SLC2A1: variants seen among roughly 807,000 people sequenced by gnomAD.
SLC2A1 encodes solute carrier family 2 member 1.
Under a neutral mutation model 46.6 loss-of-function variants are expected in SLC2A1, and 4 were observed. The ratio of observed to expected loss-of-function variants is 0.09; its 90% CI spans 0.04 to 0.20. The LOEUF is 0.20. Among genes scored for constraint, SLC2A1 ranks in the 10% least tolerant of loss-of-function variants. The pLI is 1.00. For missense variants in SLC2A1, 352 were observed against 667.0 expected (o/e 0.53, Z 5.20); for synonymous variants, 253 against 270.0 (o/e 0.94, Z 0.62).
Position 42,930,322 on chromosome 1 carries a change from G to A in SLC2A1, c.517-287C>T, listed in dbSNP as rs1360908385. 2 of 627,144 alleles carry A rather than the reference G, an allele frequency of 3.2e-6. No individual in the cohort carries two copies. The highest frequency in any genetic ancestry group is 1.8e-5 in the African/African-American group (1 of 54,360). 38.8% of individuals were successfully genotyped at this position (627,144 alleles called of 1,614,324 possible). ...CTGCCACAAGAGGGTTTTGGGGACA[G>A]GGAAGGGGAAGCCTCCTGGAGAGAG... On this transcript the variant is annotated intron_variant, in intron 4 of 9. Transcript: ENST00000426263. This position sits in a 1 kb window ranked among gnomAD's most constrained non-coding sequence, Gnocchi z 6.2.
At position 42,930,673 on chromosome 1, in the gene SLC2A1, C is replaced by A; in HGVS notation, c.469G>T (p.Gly157Cys). 6.2e-7 allele frequency: 1 copy of A among 1,613,070 alleles called. No homozygotes were observed. ...ACGATGCCCAGCTGGTGCAGGGTGC[C>A]CAGGGCCCCACGAAGGGCTGTGGGT... ...VSPTALRGAL[G>C]TLHQLGIVVG... The change falls in exon 4 of 10, where the codon GGC (glycine) becomes TGC (cysteine). Residue 157 changes from glycine (G) to cysteine (C), a missense_variant. Gly to Cys is a radical substitution (Grantham distance 159). Around this residue, in one of 5 missense-constraint regions of SLC2A1, gnomAD observed 12 missense variants for 54.2 expected, o/e 0.22. Transcript: ENST00000426263. The surrounding 1 kb of genome is among the most constrained non-coding windows in gnomAD (Gnocchi z 6.2).
intron 1 of SLC2A1, chr1:42,951,554 A>G (rs1425166634): frequency 3.3e-6 from 1 of 307,170 alleles, no homozygotes; most frequent in Non-Finnish European, 5.9e-6. Context: ...ATTTATAGGC[A>G]TGTATCTACA....
chr1:42,938,147 G>T (rs1354168049), intron 2 of SLC2A1, among the ~76,000 whole-genome samples: 2 of 152,210 alleles, frequency 1.3e-5, no homozygotes, highest in Non-Finnish European at 2.9e-5. Context: ...GAGGGGAAAG[G>T]CAGTGCTCGG....
At chr1:42,958,605 G>T in intron 1 of SLC2A1, 29 bp downstream of exon 1, 1 of 1,520,750 alleles carries the variant, frequency 6.6e-7, no homozygotes. Context: ...TTTGTTCCTG[G>T]CGGGAGGGCC....
At position 42,954,407 on chromosome 1, in the gene SLC2A1, C is replaced by A. The variant is rs1283657542; in HGVS notation, c.18+4227G>T. Among the ~76,000 whole-genome samples, 4 of 152,156 alleles carry A rather than the reference C, an allele frequency of 2.6e-5. No homozygotes were observed. Among genetic ancestry groups the A allele is most frequent in the Non-Finnish European group, 5.9e-5 (4 of 68,026 alleles). ...GGGCATGGTGGCACATGCCTGTAAT[C>A]CCAGCTACTCGGGAGGCTGAGGCAG... On this transcript the variant is annotated intron_variant, in intron 1 of 9. Transcript: ENST00000426263. This position sits in a 1 kb window ranked among gnomAD's most constrained non-coding sequence, Gnocchi z 4.2.
In SLC2A1 at chr1:42,927,127, A is replaced by T. The variant is rs763390868; in HGVS notation, c.1393T>A (p.Ser465Thr). The T allele has an allele frequency of 3.7e-6, 6 of 1,614,182 alleles. No homozygotes were observed. Among genetic ancestry groups the T allele is most frequent in the Non-Finnish European group, 4.2e-6 (5 of 1,180,038 alleles). The change falls in exon 10 of 10, where the codon TCC becomes ACC. Residue 465 changes from serine to threonine, a missense_variant. Ser to Thr is a moderately conservative substitution (Grantham distance 58). This residue lies in a region of SLC2A1 where 41 missense variants were observed against 49.1 expected (regional missense o/e 0.83). Transcript: ENST00000426263. This position sits in a 1 kb window ranked among gnomAD's most constrained non-coding sequence, Gnocchi z 5.3. ...TKGRTFDEIA[S>T]GFRQGGASQS... ...CTGGCTCCCCCCTGCCGGAAGCCGG[A>T]AGCGATCTCATCGAAGGTCCGGCCT...
At chr1:42,956,118 A>G (rs943341658) in intron 1 of SLC2A1, among the ~76,000 whole-genome samples, 27 of 147,182 alleles carry the variant, frequency 1.8e-4, no homozygotes, top group Non-Finnish European at 2.6e-4. Flanking sequence ...GCTTTATTCC[A>G]GAATGTATAT....
chr1:42,938,933 GGGTCTCTCC>G (rs1643569522), intron 2 of SLC2A1, among the ~76,000 whole-genome samples: 2 of 152,214 alleles, frequency 1.3e-5, no homozygotes, highest in African/African-American at 2.4e-5. Flanking sequence ...TTTCTCCAAG[GGGTCTCTCC>G]CACTGCTGTG....
At chr1:42,950,442 T>C (rs558970015) in intron 1 of SLC2A1, among the ~76,000 whole-genome samples, 2 of 152,372 alleles carry the variant, frequency 1.3e-5, no homozygotes, top group East Asian at 3.9e-4. Context: ...CGAAAAGGTA[T>C]GCATCCTATT....
intron 2 of SLC2A1, among the ~76,000 whole-genome samples, chr1:42,939,738 A>G (rs1326183779): frequency 6.6e-6 from 1 of 152,158 alleles, no homozygotes; most frequent in Non-Finnish European, 1.5e-5. Context: ...GCCTGAGGTC[A>G]GGAGTTTGAG....
intron 1 of SLC2A1, among the ~76,000 whole-genome samples, chr1:42,945,183 A>G (rs899900697): frequency 2.6e-5 from 4 of 152,214 alleles, no homozygotes; most frequent in Non-Finnish European, 4.4e-5. Context: ...TGCAAAGTAT[A>G]TACTGTATTT....
intron 2 of SLC2A1, among the ~76,000 whole-genome samples, chr1:42,934,963 C>T (rs1371932712): frequency 6.6e-6 from 1 of 152,174 alleles, no homozygotes; most frequent in Non-Finnish European, 1.5e-5. Flanking sequence ...AGTGAACCAC[C>T]CCTCAGAATG....
rs1023241145 is a variant in SLC2A1, at chr1:42,927,902, C to T, written c.1075-94G>A. ...CTACAGAGGCCAGAGCAGAGCTATG[C>T]GAGAAGGCAGGAAGCCTGGGGATGG... is the stretch of plus-strand genomic sequence containing the variant. On this transcript the variant is annotated intron_variant, in intron 8 of 9. Coordinates refer to ENST00000426263, the MANE Select transcript of SLC2A1 (RefSeq NM_006516.4). This position sits in a 1 kb window ranked among gnomAD's most constrained non-coding sequence, Gnocchi z 5.3. The T allele has an allele frequency of 1.2e-5, 12 of 977,020 alleles. No individual in the cohort carries two copies. Among genetic ancestry groups the T allele is most frequent in the African/African-American group, 6.4e-5 (4 of 62,184 alleles). 60.5% of individuals were successfully genotyped at this position (977,020 alleles called of 1,614,324 possible).
chr1:42,928,805 G>T, intron 8 of SLC2A1, 127 bp downstream of exon 8: 1 of 843,726 alleles, frequency 1.2e-6, no homozygotes, highest in Non-Finnish European at 2.0e-6. Context: ...CAGAAAGTCA[G>T]ACCCACAGCC....
chr1:42,944,878 A>G (rs1301686268), intron 1 of SLC2A1, among the ~76,000 whole-genome samples: 1 of 152,036 alleles, frequency 6.6e-6, no homozygotes, highest in African/African-American at 2.4e-5. Flanking sequence ...CCAACTAGAA[A>G]GACAGCCCCC....
intron 1 of SLC2A1, among the ~76,000 whole-genome samples, chr1:42,958,284 T>TGGGCTGCC (rs1643801945): frequency 6.6e-6 from 1 of 150,942 alleles, no homozygotes; most frequent in South Asian, 2.1e-4. Flanking sequence ...GCTGGGCTGC[T>TGGGCTGCC]GCTGCCGAGG....
chr1:42,933,187 G>A (rs1213133822), intron 2 of SLC2A1, among the ~76,000 whole-genome samples: 1 of 152,124 alleles, frequency 6.6e-6, no homozygotes, highest in Admixed American at 6.5e-5. Context: ...CACACTGGTG[G>A]CCTGAAGGCT....
intron 2 of SLC2A1, among the ~76,000 whole-genome samples, chr1:42,932,456 C>T (rs540643153): frequency 3.4e-4 from 52 of 152,156 alleles, no homozygotes; most frequent in Non-Finnish European, 6.8e-4. Flanking sequence ...CACACATACC[C>T]GTGCTCATAG....
chr1:42,941,926 T>C (rs540250244), intron 2 of SLC2A1, among the ~76,000 whole-genome samples: 2 of 152,380 alleles, frequency 1.3e-5, no homozygotes. Flanking sequence ...CAGCTGAGCA[T>C]GACTCAGCAG....
Sources: allele counts gnomAD v4.1 joint callset (sites outside exome capture counted in the v4.1 genomes callset), GRCh38; gene constraint gnomAD v4.1.1; regional missense constraint gnomAD v4.1.1; non-coding constraint Gnocchi (gnomAD v3.1); transcripts MANE v1.5; gene names NCBI Gene and HGNC (gene_info 2026-07-23, HGNC 2026-07-21).